PHRF1: variants seen among roughly 807,000 people sequenced by gnomAD.
PHRF1 encodes PHD and RING finger domain-containing protein 1.
In PHRF1, 53 loss-of-function variants were observed where a neutral mutation model predicts 128.9. That is an observed-to-expected ratio of 0.41 (90% CI 0.33 to 0.52). The LOEUF is 0.52. Among genes scored for constraint, PHRF1 ranks in the 20% least tolerant of loss-of-function variants. The probability of loss-of-function intolerance (pLI) is 0.21; values close to 1 mark genes in which losing one functional copy is unlikely to be tolerated. For missense variants in PHRF1, 2,503 were observed against 2,284.5 expected, an observed-to-expected ratio of 1.10 and a Z score of -1.95; for synonymous variants, 1,178 against 980.6, an observed-to-expected ratio of 1.20 and a Z score of -3.76.
chr11:598,118 G>A (rs1049506486), intron 8 of PHRF1, among the ~76,000 whole-genome samples: 8 of 152,174 alleles, frequency 5.3e-5, no homozygotes, highest in Admixed American at 4.6e-4. Context: ...CGCCACCCCC[G>A]CCACAGTGAC....
intron 3 of PHRF1, among the ~76,000 whole-genome samples, chr11:584,342 C>G (rs1048240833): frequency 2.0e-5 from 3 of 152,216 alleles, no homozygotes; most frequent in Admixed American, 2.0e-4. Flanking sequence ...ATGCCAGAGA[C>G]TCTGGGTTGG....
At chr11:600,897 C>T (rs1193756840) in intron 9 of PHRF1, among the ~76,000 whole-genome samples, 1 of 151,936 alleles carries the variant, frequency 6.6e-6, no homozygotes, top group African/African-American at 2.4e-5. Flanking sequence ...ACCTGGGAGG[C>T]AGAGATTGCA....
chr11:607,839 G>A lies in PHRF1; in HGVS notation c.2383G>A (p.Gly795Ser), dbSNP rs1482441081. ...MAHSSQLSSP[G>S]FCNTFRPVDD... ...ACATTCCAGCCAGCTCTCCAGCCCT[G>A]GCTTCTGTAACACGTTCCGGCCTGT... The change falls in exon 14 of 18, where the codon GGC becomes AGC. Residue 795 changes from glycine to serine, a missense_variant. Coordinates refer to ENST00000264555, the MANE Select transcript of PHRF1 (RefSeq NM_001286581.2). 6.2e-7 allele frequency: 1 copy of A among 1,612,804 alleles called. No individual in the cohort carries two copies. The highest frequency in any genetic ancestry group is 2.2e-5 in the East Asian group (1 of 44,872).
At chr11:586,091 C>T (rs1854540134) in intron 3 of PHRF1, among the ~76,000 whole-genome samples, 1 of 151,972 alleles carries the variant, frequency 6.6e-6, no homozygotes, top group East Asian at 1.9e-4. Flanking sequence ...AAACCCCTGA[C>T]CTCAGGTGAT....
intron 12 of PHRF1, 74 bp downstream of exon 12, chr11:605,798 C>T (rs1006459307): frequency 2.5e-5 from 38 of 1,505,342 alleles, no homozygotes; most frequent in Middle Eastern, 3.6e-4. Context: ...AGGGTGGGGC[C>T]GTGATAGCCT....
chr11:601,801 G>C (rs1025715497), intron 10 of PHRF1, 100 bp downstream of exon 10: 1 of 1,460,554 alleles, frequency 6.8e-7, no homozygotes. Context: ...TGGCACCCTC[G>C]CGCGGTTATG....
rs368485876 is a variant in PHRF1, at chr11:607,500, A to T, written c.2044A>T (p.Ile682Leu). The stretch of plus-strand genomic sequence containing the variant: ...AACAGACATCTCTGAGCTACCCAGG[A>T]TACCAAAGATCAGGAGAGATGACGG... The part of the protein sequence containing the change: ...RRTDISELPR[I>L]PKIRRDDGGG... Residue 682 changes from isoleucine (I) to leucine (L), a missense_variant, in exon 14 of 18, where the codon ATA becomes TTA. Physicochemically the swap from Ile to Leu is conservative, Grantham distance 5 (BLOSUM62 2). Transcript: ENST00000264555. The T allele has an allele frequency of 1.6e-5, 25 of 1,612,702 alleles. No homozygotes were observed. The highest frequency in any genetic ancestry group is 2.0e-5 in the Non-Finnish European group (24 of 1,179,892).
Position 596,947 on chromosome 11 carries a change from C to G in PHRF1, c.645C>G (p.Pro215=), listed in dbSNP as rs755764077. 2.0e-5 allele frequency: 32 copies of G among 1,613,790 alleles called. No homozygotes were observed. The highest frequency in any genetic ancestry group is 2.5e-5 in the Non-Finnish European group (30 of 1,179,882). Residue 215 remains proline (P), a synonymous_variant, in exon 7 of 18, where the codon CCC becomes CCG. Coordinates refer to ENST00000264555, the MANE Select transcript of PHRF1 (RefSeq NM_001286581.2). ...DAGYHMECLD[P]PLQEVPVDEW... is the part of the protein sequence containing the mutation. ...GGTACCACATGGAATGCTTGGACCC[C>G]CCTCTCCAGGAGGTGCCGGTGGACG...
chr11:591,226 C>T (rs1314210108), intron 4 of PHRF1, among the ~76,000 whole-genome samples, 158 bp from the exon 5 acceptor site: 4 of 152,232 alleles, frequency 2.6e-5, no homozygotes, highest in Admixed American at 2.6e-4. Flanking sequence ...GGAGGCAAGG[C>T]TCGCTGTGCT....
At chr11:599,230 CTTTTTCTTTTTTTTTTTCTTTTCTT>C (rs1417267868) in intron 9 of PHRF1, among the ~76,000 whole-genome samples, 21 of 140,950 alleles carry the variant, frequency 1.5e-4, no homozygotes, top group Non-Finnish European at 2.8e-4. Flanking sequence ...AGCATGCATA[CTTTTTCTTTTTTTTTTTCTTTTCTT>C]TTTTTTTTTT....
Position 607,729 on chromosome 11 carries a change from G to T in PHRF1, c.2273G>T (p.Ser758Ile). Residue 758 changes from serine to isoleucine, a missense_variant, in exon 14 of 18, where the codon AGT (serine) becomes ATT (isoleucine). By Grantham distance (142) the Ser-to-Ile change is moderately radical. Coordinates refer to ENST00000264555, the MANE Select transcript of PHRF1 (RefSeq NM_001286581.2). ...SRPPAPSSHG[S>I]LAPLGPSRGK... The stretch of plus-strand genomic sequence containing the variant: ...CCCCCAGCCCCCAGCTCCCATGGCA[G>T]TTTGGCCCCACTGGGACCATCAAGA... 6.2e-7 allele frequency: 1 copy of T among 1,612,030 alleles called. No homozygotes were observed. The highest frequency in any genetic ancestry group is 8.5e-7 in the Non-Finnish European group (1 of 1,179,398).
chr11:608,206 C>A lies in PHRF1; in HGVS notation c.2750C>A (p.Thr917Lys). The change falls in exon 14 of 18, where the codon ACG (threonine) becomes AAG (lysine). Residue 917 changes from threonine (T) to lysine (K), a missense_variant. Coordinates refer to ENST00000264555, the MANE Select transcript of PHRF1 (RefSeq NM_001286581.2). ...GAVAAEGASDTEREEPTESQG... is the reference protein window; with the variant it reads ...GAVAAEGASDKEREEPTESQG... ...GTGGCTGCCGAGGGGGCCTCTGACA[C>A]GGAGCGAGAGGAGCCCACAGAGAGC... The A allele has an allele frequency of 6.2e-7, 1 of 1,609,536 alleles. No homozygotes were observed. Among genetic ancestry groups the A allele is most frequent in the Non-Finnish European group, 8.5e-7 (1 of 1,179,824 alleles).
At chr11:577,237 G>T (rs1419034446) in intron 1 of PHRF1, among the ~76,000 whole-genome samples, 1 of 152,208 alleles carries the variant, frequency 6.6e-6, no homozygotes, top group South Asian at 2.1e-4. Context: ...GCCCAGAAAG[G>T]CTAAGTAACT....
At chr11:593,748 G>A (rs970089250) in intron 6 of PHRF1, among the ~76,000 whole-genome samples, 3 of 152,180 alleles carry the variant, frequency 2.0e-5, no homozygotes, top group Non-Finnish European at 4.4e-5. Context: ...GCGCTCCGCC[G>A]GCCCTTCCAG....
rs1261255656 is a variant in PHRF1 at position 596,898 on chromosome 11, G to A, written c.621-25G>A. 5 of 1,602,136 alleles carry A rather than the reference G, an allele frequency of 3.1e-6. 1 individual carries two copies. The South Asian group carries it at 5.5e-5, about 18-fold the overall frequency. Reference sequence around the variant, plus strand: ...GGAAAGCTGTGAGCAGCACCCGGATGCTTTGGCCCTGCTCTCTCCTGTAGG... The same window carrying A: ...GGAAAGCTGTGAGCAGCACCCGGATACTTTGGCCCTGCTCTCTCCTGTAGG... On this transcript the variant is annotated intron_variant, in intron 6 of 17. Transcript: ENST00000264555.
chr11:604,175 G>T (rs1392034704), intron 10 of PHRF1, among the ~76,000 whole-genome samples: 1 of 152,224 alleles, frequency 6.6e-6, no homozygotes, highest in African/African-American at 2.4e-5. Flanking sequence ...CCCTGAGCCT[G>T]GGTTGGAACC....
rs1047503828 is a variant in PHRF1, at chr11:597,676, C to G, written c.894+106C>G. On this transcript the variant is annotated intron_variant, in intron 8 of 17. Coordinates refer to ENST00000264555, the MANE Select transcript of PHRF1 (RefSeq NM_001286581.2). The surrounding 1 kb of genome is among the most constrained non-coding windows in gnomAD (Gnocchi z 6.5). ...CGTCGTCGGCACTGTGGGGTCCGCCCGGCCCCGGTGGCTCATGTTGTTCGG... is the reference window on the plus strand; with the variant it reads ...CGTCGTCGGCACTGTGGGGTCCGCCGGGCCCCGGTGGCTCATGTTGTTCGG... 2 of 1,380,126 alleles carry G rather than the reference C, an allele frequency of 1.4e-6. No individual in the cohort carries two copies. The highest frequency in any genetic ancestry group is 1.4e-5 in the African/African-American group (1 of 69,672). 85.5% of individuals were successfully genotyped at this position (1,380,126 alleles called of 1,614,324 possible).
Position 611,813 on chromosome 11 carries a change from C to G in PHRF1, c.*36C>G. ...TCACGGGCTATGCCCGGGGAGCTGT[C>G]GGGAGTGGCGGGAATCGGGGCCATG... On this transcript the variant is annotated 3_prime_UTR_variant, in exon 18 of 18. Coordinates refer to ENST00000264555, the MANE Select transcript of PHRF1 (RefSeq NM_001286581.2). The G allele has an allele frequency of 6.4e-7, 1 of 1,554,610 alleles. No homozygotes were observed. The highest frequency in any genetic ancestry group is 8.7e-7 in the Non-Finnish European group (1 of 1,152,690).
chr11:604,565 G>T (rs1229074429), intron 10 of PHRF1, among the ~76,000 whole-genome samples: 2 of 152,224 alleles, frequency 1.3e-5, no homozygotes, highest in African/African-American at 2.4e-5. Context: ...CCAGGCTGGA[G>T]TTACAGTGGT....
Sources: allele counts gnomAD v4.1 joint callset (sites outside exome capture counted in the v4.1 genomes callset), GRCh38; gene constraint gnomAD v4.1.1; non-coding constraint Gnocchi (gnomAD v3.1); transcripts MANE v1.5; gene names NCBI Gene and HGNC (gene_info 2026-07-23, HGNC 2026-07-21).